The following DGKB variants were observed in gnomAD, a reference collection of about 807,000 sequenced individuals.
DGKB encodes the protein 90 kDa diacylglycerol kinase.
Under a neutral mutation model 114.3 loss-of-function variants are expected in DGKB, and 67 were observed. The observed-to-expected ratio is 0.59, with a 90% CI of 0.48 to 0.72. DGKB has a LOEUF of 0.72. DGKB is among the 30% of genes least tolerant of loss of function. The probability of loss-of-function intolerance (pLI) is 0.00; values close to 1 mark genes in which losing one functional copy is unlikely to be tolerated. For synonymous variants in DGKB, 398 were observed against 323.1 expected (o/e 1.23, Z -2.49); for missense variants, 907 against 975.2 (o/e 0.93, Z 0.93).
In DGKB at chr7:14,158,600, C is replaced by T. The variant is rs185403328; in HGVS notation, c.2305-9362G>A. Among the ~76,000 whole-genome samples, 64 of 152,250 alleles carry T rather than the reference C, an allele frequency of 4.2e-4. 1 individual carries two copies. The highest frequency in any genetic ancestry group is 3.1e-3 in the Admixed American group (47 of 15,292). ...CTTTCTCCTCAACGTTAAACTACAT[C>T]ATGGTAATACAATTGGATACAGATG... On this transcript the variant is annotated intron_variant, in intron 25 of 25. Transcript: ENST00000402815.
At chr7:14,538,614 A>G (rs896030171) in intron 20 of DGKB, among the ~76,000 whole-genome samples, 1 of 152,200 alleles carries the variant, frequency 6.6e-6, no homozygotes, top group Admixed American at 6.5e-5. Context: ...CATATGTTCT[A>G]GTGATCCCAC....
intron 1 of DGKB, among the ~76,000 whole-genome samples, chr7:14,928,720 T>C (rs1197746999): frequency 6.6e-6 from 1 of 151,932 alleles, no homozygotes; most frequent in East Asian, 1.9e-4. Flanking sequence ...AATACTTTTT[T>C]ACATGTGTAG....
At chr7:14,198,905 T>A (rs1785417364) in intron 23 of DGKB, among the ~76,000 whole-genome samples, 1 of 152,048 alleles carries the variant, frequency 6.6e-6, no homozygotes. Flanking sequence ...ATTTAACATT[T>A]GGTACAGCTA....
intron 20 of DGKB, among the ~76,000 whole-genome samples, chr7:14,480,827 A>C (rs1353566888): frequency 1.3e-5 from 2 of 152,100 alleles, no homozygotes; most frequent in African/African-American, 2.4e-5. Context: ...ATTTAATATC[A>C]TTCTCTATAG....
At chr7:14,214,102 C>T (rs760169297) in intron 23 of DGKB, among the ~76,000 whole-genome samples, 8 of 152,072 alleles carry the variant, frequency 5.3e-5, no homozygotes, top group Non-Finnish European at 1.2e-4. Context: ...TATTTCCTAA[C>T]TGGTCTCCCC....
At chr7:14,156,301 T>C (rs1485856262) in intron 25 of DGKB, among the ~76,000 whole-genome samples, 1 of 152,124 alleles carries the variant, frequency 6.6e-6, no homozygotes, top group African/African-American at 2.4e-5. Context: ...TAGAGAGTGA[T>C]CTACTGAATG....
chr7:14,534,585 A>G (rs1470697466), intron 20 of DGKB, among the ~76,000 whole-genome samples: 7 of 152,140 alleles, frequency 4.6e-5, no homozygotes, highest in Non-Finnish European at 8.8e-5. Flanking sequence ...TCTCTATAAG[A>G]GACTCACCTT....
intron 23 of DGKB, among the ~76,000 whole-genome samples, chr7:14,231,145 T>TTC (rs1445517013): frequency 1.6e-5 from 2 of 121,576 alleles, no homozygotes; most frequent in African/African-American, 3.0e-5. Context: ...CTTTCTTTCT[T>TTC]TTTCTTTCTT....
At chr7:14,800,606 G>C (rs1586599977) in intron 2 of DGKB, among the ~76,000 whole-genome samples, 2 of 152,278 alleles carry the variant, frequency 1.3e-5, no homozygotes, top group African/African-American at 2.4e-5. Flanking sequence ...CCCTGTGATT[G>C]TATAAGTTAA....
At chr7:14,570,683 C>T (rs1475715252) in intron 20 of DGKB, among the ~76,000 whole-genome samples, 1 of 151,936 alleles carries the variant, frequency 6.6e-6, no homozygotes, top group African/African-American at 2.4e-5. Context: ...TCATAAAGGT[C>T]TTTATCTTCA....
At chr7:14,215,070 G>T (rs1788733555) in intron 23 of DGKB, among the ~76,000 whole-genome samples, 1 of 152,110 alleles carries the variant, frequency 6.6e-6, no homozygotes, top group African/African-American at 2.4e-5. Flanking sequence ...CATCCTGATG[G>T]CAAATGAACA....
chr7:14,554,662 A>G (rs1795615464), intron 20 of DGKB, among the ~76,000 whole-genome samples: 2 of 152,178 alleles, frequency 1.3e-5, no homozygotes, highest in Non-Finnish European at 1.5e-5. Flanking sequence ...CATCATGTCA[A>G]TAAGTATGAC....
intron 20 of DGKB, among the ~76,000 whole-genome samples, chr7:14,545,516 T>C (rs1356233063): frequency 1.3e-5 from 2 of 152,172 alleles, no homozygotes; most frequent in South Asian, 2.1e-4. Context: ...TATTACGAGA[T>C]GTCTACATCA....
chr7:14,200,193 T>C (rs1301273316), intron 23 of DGKB, among the ~76,000 whole-genome samples: 1 of 152,088 alleles, frequency 6.6e-6, no homozygotes, highest in Non-Finnish European at 1.5e-5. Context: ...ATGTTGCCAG[T>C]CCTCTGCTAA....
rs28766401 is a variant in DGKB, at chr7:14,185,807, C to T, written c.2123-7656G>A. 2.1e-3 allele frequency among the ~76,000 whole-genome samples: 317 copies of T among 152,268 alleles called. 1 individual carries two copies. Among genetic ancestry groups the T allele is most frequent in the African/African-American group, 7.3e-3 (304 of 41,558 alleles). On this transcript the variant is annotated intron_variant, in intron 23 of 25. Coordinates refer to ENST00000402815, the MANE Select transcript of DGKB (RefSeq NM_001350709.2). ...TAACAAATGGTGCTGGGATAATTGGCTAGCCACATCTAGAAGAATAAAACT... is the reference window on the plus strand; with the variant it reads ...TAACAAATGGTGCTGGGATAATTGGTTAGCCACATCTAGAAGAATAAAACT...
At chr7:14,824,557 T>C (rs899382954) in intron 2 of DGKB, among the ~76,000 whole-genome samples, 4 of 152,064 alleles carry the variant, frequency 2.6e-5, no homozygotes, top group African/African-American at 7.2e-5. Context: ...CATTATATAA[T>C]ATAGTTGAAA....
intron 20 of DGKB, among the ~76,000 whole-genome samples, chr7:14,573,801 T>A (rs1798726057): frequency 6.6e-6 from 1 of 152,058 alleles, no homozygotes; most frequent in Non-Finnish European, 1.5e-5. Flanking sequence ...TTTTAGTAAG[T>A]TATAATGATT....
At chr7:14,246,183 C>T (rs904531854) in intron 23 of DGKB, among the ~76,000 whole-genome samples, 2 of 152,020 alleles carry the variant, frequency 1.3e-5, no homozygotes, top group African/African-American at 2.4e-5. Flanking sequence ...AATGGGTTTT[C>T]TTTATCAGTA....
At chr7:14,930,682 T>C (rs1784970368) in intron 1 of DGKB, among the ~76,000 whole-genome samples, 2 of 152,220 alleles carry the variant, frequency 1.3e-5, no homozygotes, top group African/African-American at 4.8e-5. Context: ...CTTTTCCAGT[T>C]TGTATGCCTT....
Sources: allele counts gnomAD v4.1 joint callset (sites outside exome capture counted in the v4.1 genomes callset), GRCh38; gene constraint gnomAD v4.1.1; transcripts MANE v1.5; gene names NCBI Gene and HGNC (gene_info 2026-07-23, HGNC 2026-07-21).